KANK4: variants seen among roughly 807,000 people sequenced by gnomAD.
KANK4 encodes the protein KN motif and ankyrin repeat domain-containing protein 4.
A neutral mutation model predicts 80.8 loss-of-function variants in KANK4; 50 were observed. That is an observed-to-expected ratio of 0.62 (90% CI 0.49 to 0.78). KANK4 has a LOEUF of 0.78. Ranked by LOEUF, KANK4 falls within the 30% of genes least tolerant of loss-of-function variation. The probability of loss-of-function intolerance (pLI) is 0.00; values close to 1 mark genes in which losing one functional copy is unlikely to be tolerated. For missense variants in KANK4, 1,196 were observed against 1,240.1 expected, an observed-to-expected ratio of 0.96 and a Z score of 0.53; for synonymous variants, 465 against 506.9, an observed-to-expected ratio of 0.92 and a Z score of 1.11.
intron 7 of KANK4, among the ~76,000 whole-genome samples, chr1:62,258,816 T>G (rs1432216324): frequency 1.3e-5 from 2 of 152,130 alleles, no homozygotes; most frequent in African/African-American, 2.4e-5. Flanking sequence ...GCAGCCACTT[T>G]AGACAGAGGC....
intron 1 of KANK4, among the ~76,000 whole-genome samples, chr1:62,304,110 A>T (rs1428903955): frequency 6.6e-6 from 1 of 151,996 alleles, no homozygotes; most frequent in East Asian, 1.9e-4. Flanking sequence ...CCTGACCTCA[A>T]GTGATCTGCC....
chr1:62,238,520 T>C (rs1557462099), intron 9 of KANK4, 139 bp from the exon 10 acceptor site: 2 of 621,642 alleles, frequency 3.2e-6, no homozygotes, highest in Non-Finnish European at 5.8e-6. Context: ...GTAGAGAAGA[T>C]TCGAATGGCA....
chr1:62,314,808 C>G (rs921058553), intron 1 of KANK4, among the ~76,000 whole-genome samples: 2 of 152,040 alleles, frequency 1.3e-5, no homozygotes, highest in Admixed American at 6.6e-5. Flanking sequence ...GCCTGTGTCT[C>G]CAGAAAGCTA....
rs115227095 is a variant in KANK4 at position 62,248,547 on chromosome 1, G to T, written c.2683-875C>A. On this transcript the variant is annotated intron_variant, in intron 8 of 9. Transcript: ENST00000371153. ...CTCAATATACCTGGTTAGTTTTTTTGTTTTTTTTTTTTTGTGAGACAAAGT... is the reference window on the plus strand; with the variant it reads ...CTCAATATACCTGGTTAGTTTTTTTTTTTTTTTTTTTTTGTGAGACAAAGT... Among the ~76,000 whole-genome samples the T allele has an allele frequency of 4.6e-3, 623 of 136,642 alleles. 9 individuals carry two copies. Among genetic ancestry groups the T allele is most frequent in the African/African-American group, 0.016 (576 of 36,710 alleles). 89.6% of individuals were successfully genotyped at this position (136,642 alleles called of 152,430 possible).
intron 9 of KANK4, among the ~76,000 whole-genome samples, chr1:62,242,021 G>A (rs1671353544): frequency 6.6e-6 from 1 of 152,164 alleles, no homozygotes; most frequent in Non-Finnish European, 1.5e-5. Context: ...GAGGGTTAGT[G>A]TTCCTCAGAT....
At chr1:62,284,756 C>T (rs1477942363) in intron 1 of KANK4, among the ~76,000 whole-genome samples, 2 of 152,192 alleles carry the variant, frequency 1.3e-5, no homozygotes, top group African/African-American at 4.8e-5. Context: ...GGCCCAACCT[C>T]TCTCCATAGC....
intron 1 of KANK4, among the ~76,000 whole-genome samples, chr1:62,318,135 C>G (rs1046981244): frequency 6.6e-6 from 1 of 152,320 alleles, no homozygotes; most frequent in East Asian, 1.9e-4. Context: ...TCTCCCCATG[C>G]CTCAGCCGGG....
intron 9 of KANK4, among the ~76,000 whole-genome samples, chr1:62,240,726 G>T (rs1250500515): frequency 6.6e-6 from 1 of 151,998 alleles, no homozygotes; most frequent in East Asian, 1.9e-4. Flanking sequence ...CAGCATTAAG[G>T]GACATGCACA....
intron 8 of KANK4, among the ~76,000 whole-genome samples, chr1:62,250,993 T>G (rs1002524057): frequency 6.6e-6 from 1 of 152,238 alleles, no homozygotes; most frequent in Non-Finnish European, 1.5e-5. Flanking sequence ...TCTTGCTTTT[T>G]TGCACATCTT....
chr1:62,313,482 C>T (rs1287942502), intron 1 of KANK4, among the ~76,000 whole-genome samples: 2 of 152,202 alleles, frequency 1.3e-5, no homozygotes, highest in Non-Finnish European at 2.9e-5. Flanking sequence ...AAGCCATTTT[C>T]CCTTTCTTTT....
At chr1:62,264,478 TACA>T (rs1671970729) in intron 6 of KANK4, among the ~76,000 whole-genome samples, 2 of 152,220 alleles carry the variant, frequency 1.3e-5, no homozygotes, top group South Asian at 4.1e-4. Flanking sequence ...TTGGAAGTCA[TACA>T]ACCTTTTTGA....
chr1:62,249,888 T>C (rs1005705151), intron 8 of KANK4, among the ~76,000 whole-genome samples: 7 of 151,968 alleles, frequency 4.6e-5, no homozygotes, highest in Non-Finnish European at 8.8e-5. Context: ...GGTTTTGCGA[T>C]GTTGCCCAGG....
At chr1:62,298,810 C>T (rs960787823) in intron 1 of KANK4, among the ~76,000 whole-genome samples, 1 of 152,110 alleles carries the variant, frequency 6.6e-6, no homozygotes, top group Non-Finnish European at 1.5e-5. Flanking sequence ...TGGTAAGTGC[C>T]CAATAAAAGT....
chr1:62,274,912 G>T lies in KANK4; in HGVS notation c.192C>A (p.Ala64=). ...AGTTTCGGGGCAGAGTGCTAAATTT[G>T]GCCTGCTTGGCCCTTCTGTGGATAG... ...RIPIHRRAKQ[A]KFSTLPRNFS... The change falls in exon 3 of 10, where the codon GCC becomes GCA. Residue 64 remains alanine (A), a synonymous_variant. Transcript: ENST00000371153. 6.2e-7 allele frequency: 1 copy of T among 1,614,150 alleles called. No homozygotes were observed. Among genetic ancestry groups the T allele is most frequent in the Non-Finnish European group, 8.5e-7 (1 of 1,180,024 alleles).
At position 62,282,301 on chromosome 1, in the gene KANK4, A is replaced by G. The variant is rs1331116699; in HGVS notation, c.-70-667T>C. ...TGAGGTTTGACCATAAATTCTCCCC[A>G]AAGTTTTAATCCATTTCCAGGACTC... On this transcript the variant is annotated intron_variant, in intron 1 of 9. Coordinates refer to ENST00000371153, the MANE Select transcript of KANK4 (RefSeq NM_181712.5). Among the ~76,000 whole-genome samples, 7 of 152,292 alleles carry G rather than the reference A, an allele frequency of 4.6e-5. No homozygotes were observed. In the East Asian group the frequency reaches 5.8e-4, roughly 13 times the overall value.
chr1:62,279,225 CACACACACACACACACAG>C (rs1672397352), intron 2 of KANK4, among the ~76,000 whole-genome samples: 6 of 151,924 alleles, frequency 3.9e-5, no homozygotes, highest in Non-Finnish European at 7.4e-5. Flanking sequence ...CACACACACA[CACACACACACACACACAG>C]AGTGATCCAT....
intron 1 of KANK4, among the ~76,000 whole-genome samples, chr1:62,281,965 A>G (rs1386773143): frequency 6.6e-6 from 1 of 152,170 alleles, no homozygotes; most frequent in Non-Finnish European, 1.5e-5. Flanking sequence ...CTAGTATCAG[A>G]CCCAGGCTTC....
At chr1:62,310,968 C>T (rs1644493024) in intron 1 of KANK4, among the ~76,000 whole-genome samples, 1 of 152,092 alleles carries the variant, frequency 6.6e-6, no homozygotes. Context: ...ACAGCTTTTG[C>T]TTGTAATTTC....
intron 4 of KANK4, among the ~76,000 whole-genome samples, chr1:62,270,054 A>AG (rs1335761317): frequency 6.6e-6 from 1 of 152,184 alleles, no homozygotes; most frequent in Non-Finnish European, 1.5e-5. Context: ...AATGTCCAGG[A>AG]GAGGAGGCCT....
Sources: allele counts gnomAD v4.1 joint callset (sites outside exome capture counted in the v4.1 genomes callset), GRCh38; gene constraint gnomAD v4.1.1; transcripts MANE v1.5; gene names NCBI Gene and HGNC (gene_info 2026-07-23, HGNC 2026-07-21).